Variants in ZC3H13 observed in about 807,000 individuals in gnomAD.
ZC3H13 encodes zinc finger CCCH-type containing 13.
ZC3H13 carries 64 observed loss-of-function variants against 204.1 expected under a neutral mutation model. The ratio of observed to expected loss-of-function variants is 0.31; its 90% confidence interval spans 0.26 to 0.39. The LOEUF is 0.39. Ranked by LOEUF, ZC3H13 falls within the 10% of genes least tolerant of loss-of-function variation. ZC3H13 has a pLI of 1.00. For synonymous variants in ZC3H13, 667 were observed against 693.7 expected (o/e 0.96, Z 0.60); for missense variants, 1,833 against 2,082.7 (o/e 0.88, Z 2.33).
intron 5 of ZC3H13, among the ~76,000 whole-genome samples, chr13:46,017,665 T>C (rs920329829): frequency 2.6e-5 from 4 of 152,102 alleles, no homozygotes; most frequent in African/African-American, 9.7e-5. Context: ...TTGGGGGTTC[T>C]GAAAAAGCAT....
chr13:45,969,718 C>T lies in ZC3H13; in HGVS notation c.2826G>A (p.Gln942=), dbSNP rs773711330. Residue 942 remains glutamine, a synonymous_variant, in exon 14 of 19, where the codon CAG becomes CAA. Coordinates refer to ENST00000679008, the MANE Select transcript of ZC3H13 (RefSeq NM_001330564.2). ...MRAQDIIGHH[Q]SEDRETSDRA... ...GATCAGATGTCTCTCGATCTTCAGACTGGTGGTGTCCTATAATGTCCTGTG... is the reference window on the plus strand; with the variant it reads ...GATCAGATGTCTCTCGATCTTCAGATTGGTGGTGTCCTATAATGTCCTGTG... 3 of 1,613,778 alleles carry T rather than the reference C, an allele frequency of 1.9e-6. No homozygotes were observed. The highest frequency in any genetic ancestry group is 1.1e-5 in the South Asian group (1 of 91,062).
At chr13:45,968,473 AG>A (rs1482946083) in intron 14 of ZC3H13, among the ~76,000 whole-genome samples, 1 of 152,214 alleles carries the variant, frequency 6.6e-6, no homozygotes, top group Non-Finnish European at 1.5e-5. Flanking sequence ...GGCATCAATA[AG>A]GGACTTGAAC....
At chr13:45,988,333 C>A (rs1266725006) in intron 9 of ZC3H13, among the ~76,000 whole-genome samples, 1 of 152,176 alleles carries the variant, frequency 6.6e-6, no homozygotes, top group Non-Finnish European at 1.5e-5. Context: ...TCTTGGCTCA[C>A]TGCAAGCTCC....
intron 3 of ZC3H13, 93 bp downstream of exon 3, chr13:46,044,862 C>T: frequency 2.4e-6 from 2 of 817,288 alleles, no homozygotes; most frequent in Non-Finnish European, 1.8e-6. Flanking sequence ...AAAATCTGAC[C>T]AAATATATGG....
In ZC3H13 at chr13:45,967,953, C is replaced by A. The variant is rs1952234827; in HGVS notation, c.3872G>T (p.Gly1291Val). ...AAGCCTGTCTCTGCTATCAAATGAC[C>A]CAGATCTTGAATGGACCTGTCGATC... ...ESDRQVHSRS[G>V]SFDSRDRLQE... is the part of the protein sequence containing the mutation. Residue 1291 changes from glycine (G) to valine (V), a missense_variant, in exon 15 of 19, where the codon GGG becomes GTG. Transcript: ENST00000679008. The A allele has an allele frequency of 6.2e-7, 1 of 1,613,904 alleles. No individual in the cohort carries two copies. Among genetic ancestry groups the A allele is most frequent in the South Asian group, 1.1e-5 (1 of 91,068 alleles).
chr13:45,994,523 A>T (rs1269560855), intron 8 of ZC3H13, among the ~76,000 whole-genome samples: 2 of 152,242 alleles, frequency 1.3e-5, no homozygotes. Context: ...TCAAGGTAAG[A>T]GCCTTACATA....
rs746270080 is a variant in ZC3H13 at position 45,989,070 on chromosome 13, A to C, written c.972T>G (p.His324Gln). The C allele has an allele frequency of 2.5e-6, 4 of 1,614,136 alleles. No individual in the cohort carries two copies. The highest frequency in any genetic ancestry group is 3.4e-6 in the Non-Finnish European group (4 of 1,179,976). ...AGTGATGTCTAGAAGATATAGGAGAATGATGCTGTCCTGCTGGGGAAGTAG... is the reference window on the plus strand; with the variant it reads ...AGTGATGTCTAGAAGATATAGGAGACTGATGCTGTCCTGCTGGGGAAGTAG... ...PRSTSPAGQH[H>Q]SPISSRHHSS... The change falls in exon 9 of 19, where the codon CAT (histidine) becomes CAG (glutamine). Residue 324 changes from histidine to glutamine, a missense_variant. Physicochemically the swap from His to Gln is conservative, Grantham distance 24 (BLOSUM62 0). Transcript: ENST00000679008.
chr13:45,969,270 T>C lies in ZC3H13; in HGVS notation c.3274A>G (p.Ser1092Gly). 1 of 1,610,918 alleles carries C rather than the reference T, an allele frequency of 6.2e-7. No individual in the cohort carries two copies. Among genetic ancestry groups the C allele is most frequent in the Non-Finnish European group, 8.5e-7 (1 of 1,177,246 alleles). ...AGAGAAGATAGAGGAGAAGGGGTAC[T>C]ACCAGGAGTCGTGGCGGTGGCAGTA... Reference protein sequence around the residue: ...EHTATATTPGSTPSPLSSLLP... With the variant: ...EHTATATTPGGTPSPLSSLLP... Residue 1092 changes from serine to glycine, a missense_variant, in exon 14 of 19, where the codon AGT (serine) becomes GGT (glycine). Ser to Gly is a moderately conservative substitution (Grantham distance 56). Coordinates refer to ENST00000679008, the MANE Select transcript of ZC3H13 (RefSeq NM_001330564.2).
At chr13:45,961,152 A>G (rs1263178670) in intron 17 of ZC3H13, among the ~76,000 whole-genome samples, 1 of 152,182 alleles carries the variant, frequency 6.6e-6, no homozygotes, top group African/African-American at 2.4e-5. Context: ...GATGATTCAG[A>G]TATACCAATG....
chr13:45,984,735 G>C (rs796849129), intron 10 of ZC3H13, among the ~76,000 whole-genome samples: 5 of 152,270 alleles, frequency 3.3e-5, no homozygotes, highest in East Asian at 3.9e-4. Flanking sequence ...GAGGTAAAGA[G>C]AGGTCATGAT....
In ZC3H13 at chr13:45,975,752, T is replaced by G. The variant is rs1314627986; in HGVS notation, c.1999A>C (p.Arg667=). ...CTTTCATCTCTCCTATCATCCACTC[T>G]GTCTACTCTTCGTTCCTCTCTTCTT... ...DERREERRVD[R]VDDRRDERAR... is the part of the protein sequence containing the mutation. Residue 667 remains arginine (R), a synonymous_variant, in exon 12 of 19, where the codon AGA becomes CGA. Coordinates refer to ENST00000679008, the MANE Select transcript of ZC3H13 (RefSeq NM_001330564.2). 3.7e-6 allele frequency: 6 copies of G among 1,614,044 alleles called. No homozygotes were observed. Among genetic ancestry groups the G allele is most frequent in the Non-Finnish European group, 5.1e-6 (6 of 1,179,948 alleles).
intron 4 of ZC3H13, among the ~76,000 whole-genome samples, chr13:46,040,822 G>C (rs565465995): frequency 6.6e-6 from 1 of 152,152 alleles, no homozygotes; most frequent in East Asian, 1.9e-4. Flanking sequence ...TAGCCAATAA[G>C]TACACAAGAA....
intron 8 of ZC3H13, among the ~76,000 whole-genome samples, chr13:45,992,625 C>T (rs2040042932): frequency 6.6e-6 from 1 of 152,160 alleles, no homozygotes; most frequent in Admixed American, 6.5e-5. Context: ...TCTGACATAA[C>T]TGGGTTAACT....
Position 45,989,049 on chromosome 13 carries a change from A to G in ZC3H13, c.993T>C (p.His331=), listed in dbSNP as rs752997782. Residue 331 remains histidine, a synonymous_variant, in exon 9 of 19, where the codon CAT becomes CAC. Coordinates refer to ENST00000679008, the MANE Select transcript of ZC3H13 (RefSeq NM_001330564.2). The stretch of plus-strand genomic sequence containing the variant: ...ATCCTGATTGTGAGGAAGATGAGTG[A>G]TGTCTAGAAGATATAGGAGAATGAT... ...GQHHSPISSR[H]HSSSSQSGSS... is the part of the protein sequence containing the mutation. The G allele has an allele frequency of 6.2e-7, 1 of 1,614,192 alleles. No individual in the cohort carries two copies. Among genetic ancestry groups the G allele is most frequent in the Non-Finnish European group, 8.5e-7 (1 of 1,180,030 alleles).
At chr13:46,045,109 A>G (rs1010954447) in intron 2 of ZC3H13, 45 bp from the exon 3 acceptor site, 6 of 1,265,276 alleles carry the variant, frequency 4.7e-6, no homozygotes, top group Non-Finnish European at 6.5e-6. Flanking sequence ...TTATTTCTGG[A>G]AAAAAAAAAT....
At chr13:46,048,580 CAAAAA>C (rs56753264) in intron 1 of ZC3H13, among the ~76,000 whole-genome samples, 1 of 38,662 alleles carries the variant, frequency 2.6e-5, no homozygotes, top group African/African-American at 1.1e-4. Context: ...GACTCCGCCT[CAAAAA>C]AAAAAAAAAA....
At chr13:45,992,682 A>G (rs2040048618) in intron 8 of ZC3H13, among the ~76,000 whole-genome samples, 1 of 152,228 alleles carries the variant, frequency 6.6e-6, no homozygotes, top group Non-Finnish European at 1.5e-5. Flanking sequence ...ATTTCTGGGC[A>G]CGTCTGTGAG....
rs2041613819 is a variant in ZC3H13 at position 46,012,243 on chromosome 13, A to T, written c.449-689T>A. On this transcript the variant is annotated intron_variant, in intron 5 of 18. Coordinates refer to ENST00000679008, the MANE Select transcript of ZC3H13 (RefSeq NM_001330564.2). ...AGCTATGAAGATTGGTTAAAAAATC[A>T]AGAGTGGTGTGTAGATCTATTTCAT... Among the ~76,000 whole-genome samples, 5 of 152,302 alleles carry T rather than the reference A, an allele frequency of 3.3e-5. No individual in the cohort carries two copies. The South Asian group carries it at 8.3e-4, about 25-fold the overall frequency.
rs149215132 is a variant in ZC3H13, at chr13:46,023,843, T to G, written c.340-3286A>C. ...AATGTTGACTTCACATTAAAGCTTATCTCTTACCATAATAAGAAGCAATCT... is the reference window on the plus strand; with the variant it reads ...AATGTTGACTTCACATTAAAGCTTAGCTCTTACCATAATAAGAAGCAATCT... On this transcript the variant is annotated intron_variant, in intron 4 of 18. Transcript: ENST00000679008. 2.6e-5 allele frequency among the ~76,000 whole-genome samples: 4 copies of G among 152,282 alleles called. No individual in the cohort carries two copies. The South Asian group carries it at 6.2e-4, about 24-fold the overall frequency.
Sources: allele counts gnomAD v4.1 joint callset (sites outside exome capture counted in the v4.1 genomes callset), GRCh38; gene constraint gnomAD v4.1.1; transcripts MANE v1.5; gene names NCBI Gene and HGNC (gene_info 2026-07-23, HGNC 2026-07-21).